The following SGF29 variants were observed in gnomAD, a reference collection of about 807,000 sequenced individuals.
SGF29 encodes SAGA complex associated factor 29, also known as SAGA-associated factor 29.
SGF29 carries 15 observed loss-of-function variants against 38.1 expected under a neutral mutation model. The ratio of observed to expected loss-of-function variants is 0.39; its 90% confidence interval spans 0.26 to 0.61. SGF29 has a LOEUF of 0.61. Among genes scored for constraint, SGF29 ranks in the 20% least tolerant of loss-of-function variants. SGF29 has a pLI of 0.49. For missense variants in SGF29, 184 were observed against 394.6 expected, an observed-to-expected ratio of 0.47 and a Z score of 4.52; for synonymous variants, 151 against 160.8, an observed-to-expected ratio of 0.94 and a Z score of 0.46.
chr16:28,562,333 AG>A (rs1158821636), intron 1 of SGF29, among the ~76,000 whole-genome samples: 1 of 152,188 alleles, frequency 6.6e-6, no homozygotes, highest in African/African-American at 2.4e-5. Flanking sequence ...TAATTCATCC[AG>A]GGTGAGTGTG....
intron 1 of SGF29, among the ~76,000 whole-genome samples, chr16:28,560,272 A>T (rs2046778736): frequency 6.6e-6 from 1 of 151,304 alleles, no homozygotes; most frequent in Admixed American, 6.6e-5. Context: ...CAAAACAGGA[A>T]AATATGATCT....
Position 28,564,798 on chromosome 16 carries a change from C to T in SGF29, c.-16+10701C>T, listed in dbSNP as rs531347347. Among the ~76,000 whole-genome samples the T allele has an allele frequency of 5.2e-4, 70 of 134,248 alleles. 1 individual carries two copies. The highest frequency in any genetic ancestry group is 1.9e-3 in the African/African-American group (69 of 36,088). The allele number at this position is 134,248 out of a possible 152,430, so 88.1% of individuals were successfully genotyped here. On this transcript the variant is annotated intron_variant, in intron 1 of 9. Coordinates refer to ENST00000317058, the MANE Select transcript of SGF29 (RefSeq NM_138414.3). ...GTATATATATATATACACACACACA[C>T]ACACACACAAACACACACACACACA...
intron 1 of SGF29, among the ~76,000 whole-genome samples, chr16:28,573,354 A>G (rs542932826): frequency 6.6e-6 from 1 of 152,316 alleles, no homozygotes; most frequent in Non-Finnish European, 1.5e-5. Flanking sequence ...AGTAGGCCAC[A>G]TCGGAAGCAG....
intron 1 of SGF29, among the ~76,000 whole-genome samples, chr16:28,561,801 G>T (rs758438951): frequency 6.6e-6 from 1 of 152,184 alleles, no homozygotes; most frequent in Admixed American, 6.6e-5. Flanking sequence ...TGGCCTGGAA[G>T]TGCAGTGTCC....
intron 3 of SGF29, chr16:28,585,326 T>G (rs2046950428): frequency 1.9e-6 from 1 of 529,628 alleles, no homozygotes; most frequent in East Asian, 3.2e-5. Context: ...GGTGAGATCC[T>G]GGGGCTGGGG....
At chr16:28,580,763 C>T (rs1218055522) in intron 1 of SGF29, among the ~76,000 whole-genome samples, 1 of 152,154 alleles carries the variant, frequency 6.6e-6, no homozygotes, top group Admixed American at 6.5e-5. Flanking sequence ...GCTCATGCAG[C>T]CTCAACCCCC....
At chr16:28,573,937 G>A (rs929765349) in intron 1 of SGF29, among the ~76,000 whole-genome samples, 5 of 152,200 alleles carry the variant, frequency 3.3e-5, no homozygotes, top group African/African-American at 1.2e-4. Context: ...ACAGTGCTGT[G>A]TAAAGTAAAA....
chr16:28,563,670 G>C (rs2046803176), intron 1 of SGF29, among the ~76,000 whole-genome samples: 1 of 136,452 alleles, frequency 7.3e-6, no homozygotes, highest in South Asian at 2.3e-4. Flanking sequence ...TGCATATATT[G>C]TTTACTCAGT....
At chr16:28,591,495 G>A (rs528664590) in intron 9 of SGF29, 95 bp from the exon 10 acceptor site, 16 of 850,918 alleles carry the variant, frequency 1.9e-5, no homozygotes, top group East Asian at 1.7e-4. Context: ...GAGAGTCCAC[G>A]GCCCAGAGCC....
intron 1 of SGF29, among the ~76,000 whole-genome samples, chr16:28,578,328 T>C (rs2046906535): frequency 6.6e-6 from 1 of 152,126 alleles, no homozygotes; most frequent in Admixed American, 6.6e-5. Flanking sequence ...ATGCCTTTTA[T>C]TTCATCTTAT....
chr16:28,554,143 G>A (rs1175175383), intron 1 of SGF29, 46 bp downstream of exon 1: 1 of 152,296 alleles, frequency 6.6e-6, no homozygotes, highest in Non-Finnish European at 1.5e-5. Context: ...CGAAACGCGG[G>A]AGCGAAGGGC....
At position 28,554,053 on chromosome 16, in the gene SGF29, T is replaced by G. The variant is rs1302773668; in HGVS notation, c.-60T>G. On this transcript the variant is annotated 5_prime_UTR_variant, in exon 1 of 10. Coordinates refer to ENST00000317058, the MANE Select transcript of SGF29 (RefSeq NM_138414.3). ...GGTTCGAGGAACGCGCCTGCTCCCC[T>G]CGTCGCAGTTTCCAGCCCGACGAGC... 6.6e-6 allele frequency: 1 copy of G among 152,320 alleles called. No homozygotes were observed. Among genetic ancestry groups the G allele is most frequent in the Non-Finnish European group, 1.5e-5 (1 of 68,042 alleles). 9.4% of individuals were successfully genotyped at this position (152,320 alleles called of 1,614,324 possible).
Position 28,581,114 on chromosome 16 carries a change from A to G in SGF29, c.45A>G (p.Thr15=), listed in dbSNP as rs1451896531. The G allele has an allele frequency of 5.6e-6, 9 of 1,614,130 alleles. No individual in the cohort carries two copies. The highest frequency in any genetic ancestry group is 7.6e-6 in the Non-Finnish European group (9 of 1,179,998). Residue 15 remains threonine (T), a synonymous_variant, in exon 2 of 10, where the codon ACA becomes ACG. Coordinates refer to ENST00000317058, the MANE Select transcript of SGF29 (RefSeq NM_138414.3). ...SADSRIAELL[T]ELHQLIKQTQ... is the part of the protein sequence containing the mutation. ...ATTCCCGCATTGCAGAACTTCTCACAGAGCTCCATCAGCTGATCAAACAAA... is the reference window on the plus strand; with the variant it reads ...ATTCCCGCATTGCAGAACTTCTCACGGAGCTCCATCAGCTGATCAAACAAA...
intron 1 of SGF29, among the ~76,000 whole-genome samples, chr16:28,564,709 A>G (rs1253298495): frequency 0.11 from 7,463 of 65,686 alleles, 662 homozygotes; most frequent in Middle Eastern, 0.19. Context: ...ATATATATAC[A>G]TATATATGTA....
Position 28,590,507 on chromosome 16 carries a change from G to T in SGF29, c.566+65G>T. On this transcript the variant is annotated intron_variant, in intron 7 of 9. Coordinates refer to ENST00000317058, the MANE Select transcript of SGF29 (RefSeq NM_138414.3). This position sits in a 1 kb window ranked among gnomAD's most constrained non-coding sequence, Gnocchi z 8.2. ...AACTTGCCTGGGCTACGGGAGAAAA[G>T]CTCTGCAGAGGGTGCTCCCCAGAGG... 1 of 1,613,400 alleles carries T rather than the reference G, an allele frequency of 6.2e-7. No individual in the cohort carries two copies. Among genetic ancestry groups the T allele is most frequent in the South Asian group, 1.1e-5 (1 of 91,048 alleles).
intron 1 of SGF29, among the ~76,000 whole-genome samples, chr16:28,572,779 G>A (rs13334055): frequency 0.019 from 2,914 of 152,200 alleles, 99 homozygotes; most frequent in African/African-American, 0.067. Flanking sequence ...CAGCTGAGCC[G>A]GGGAGGTGTC....
intron 1 of SGF29, among the ~76,000 whole-genome samples, chr16:28,574,665 C>T (rs1231710045): frequency 6.6e-6 from 1 of 152,196 alleles, no homozygotes; most frequent in African/African-American, 2.4e-5. Flanking sequence ...CCTTTCTATG[C>T]CAAGCCACAC....
intron 1 of SGF29, among the ~76,000 whole-genome samples, chr16:28,568,095 C>T (rs1375194737): frequency 6.6e-6 from 1 of 151,554 alleles, no homozygotes; most frequent in Non-Finnish European, 1.5e-5. Flanking sequence ...GGTGGATCAC[C>T]TGAGATCAGG....
intron 1 of SGF29, among the ~76,000 whole-genome samples, chr16:28,573,322 G>A (rs1431522297): frequency 2.6e-5 from 4 of 152,122 alleles, no homozygotes; most frequent in African/African-American, 9.7e-5. Flanking sequence ...AGAGGAGAAG[G>A]GAGTAGCATC....
Sources: allele counts gnomAD v4.1 joint callset (sites outside exome capture counted in the v4.1 genomes callset), GRCh38; gene constraint gnomAD v4.1.1; non-coding constraint Gnocchi (gnomAD v3.1); transcripts MANE v1.5; gene names NCBI Gene and HGNC (gene_info 2026-07-23, HGNC 2026-07-21).